The following ATP13A4 variants were observed in gnomAD, a reference collection of about 807,000 sequenced individuals.
The protein encoded by ATP13A4 is probable cation-transporting ATPase 13A4.
A neutral mutation model predicts 142.5 loss-of-function variants in ATP13A4; 114 were observed. That is an observed-to-expected ratio of 0.80 (90% CI 0.69 to 0.93). The LOEUF (loss-of-function observed/expected upper bound fraction) is 0.93, where lower values mean the gene tolerates loss of function less well. Ranked by LOEUF, ATP13A4 falls within the 40% of genes least tolerant of loss-of-function variation. The pLI is 0.00. For synonymous variants in ATP13A4, 488 were observed against 514.8 expected, an observed-to-expected ratio of 0.95 and a Z score of 0.70; for missense variants, 1,392 against 1,454.0, an observed-to-expected ratio of 0.96 and a Z score of 0.69.
intron 2 of ATP13A4, among the ~76,000 whole-genome samples, chr3:193,576,966 T>C (rs1185455115): frequency 1.3e-5 from 2 of 152,188 alleles, no homozygotes; most frequent in East Asian, 1.9e-4. Context: ...TTTGAAAACA[T>C]ATAAATATCT....
At position 193,524,638 on chromosome 3, in the gene ATP13A4, C is replaced by G. The variant is rs898283984; in HGVS notation, c.61-9767G>C. On this transcript the variant is annotated intron_variant, in intron 1 of 29. Coordinates refer to ENST00000342695, the MANE Select transcript of ATP13A4 (RefSeq NM_032279.4). Reference sequence around the variant, plus strand: ...AAAGCCAACATATTTAAAGACAAAGCAGTTGGGTTCAAATCCTGGTTCTGC... The same window carrying G: ...AAAGCCAACATATTTAAAGACAAAGGAGTTGGGTTCAAATCCTGGTTCTGC... 2.0e-5 allele frequency among the ~76,000 whole-genome samples: 3 copies of G among 152,154 alleles called. No individual in the cohort carries two copies. In the East Asian group the frequency reaches 5.8e-4, roughly 29 times the overall value.
At position 193,582,149 on chromosome 3, in the gene ATP13A4, C is replaced by CT. The variant is rs61610633; in HGVS notation, n.92-244dup. 4.8e-3 allele frequency among the ~76,000 whole-genome samples: 591 copies of CT among 124,326 alleles called. 8 individuals are homozygous for CT. Among genetic ancestry groups the CT allele is most frequent in the Admixed American group, 0.03 (348 of 11,538 alleles). 81.6% of individuals were successfully genotyped at this position (124,326 alleles called of 152,430 possible). A position where few individuals can be genotyped will look rare whatever the true frequency, so the allele number is the denominator to read the frequency against. On this transcript the variant is annotated intron_variant and non_coding_transcript_variant, in intron 1 of 3. Coordinates refer to the ATP13A4 transcript ENST00000489140. ...ACTTACATATGTATACTTTTCTTTT[C>CT]TTTTTTTTTTTTTTTTTTGGCGGAG...
Position 193,458,008 on chromosome 3 carries a change from T to A in ATP13A4, c.1675-543A>T, listed in dbSNP as rs1649056452. On this transcript the variant is annotated intron_variant, in intron 14 of 29. Transcript: ENST00000342695. Reference sequence around the variant, plus strand: ...CCAAAGACAACACAGTGCTTTGTAATCATCTCACTGAGTGGCTGACAAGGT... The same window carrying A: ...CCAAAGACAACACAGTGCTTTGTAAACATCTCACTGAGTGGCTGACAAGGT... Among the ~76,000 whole-genome samples the A allele has an allele frequency of 2.6e-5, 4 of 152,202 alleles. No individual in the cohort carries two copies. The South Asian group carries it at 8.3e-4, about 32-fold the overall frequency.
chr3:193,554,874 C>A lies in ATP13A4; in HGVS notation c.-75G>T. 1 of 1,612,954 alleles carries A rather than the reference C, an allele frequency of 6.2e-7. No individual in the cohort carries two copies. ...CAGGATGAACTCCAACTCGCCGAGC[C>A]ACCGCAGCTCCTCAGCTGACTAAAA... On this transcript the variant is annotated 5_prime_UTR_variant, in exon 1 of 30. Transcript: ENST00000342695.
At chr3:193,523,420 G>T (rs1439129378) in intron 1 of ATP13A4, among the ~76,000 whole-genome samples, 1 of 152,042 alleles carries the variant, frequency 6.6e-6, no homozygotes, top group Non-Finnish European at 1.5e-5. Context: ...TTAGATCATT[G>T]GAACTTTCAG....
intron 1 of ATP13A4, among the ~76,000 whole-genome samples, chr3:193,552,013 T>C (rs952333767): frequency 6.6e-6 from 1 of 152,218 alleles, no homozygotes; most frequent in Non-Finnish European, 1.5e-5. Flanking sequence ...CTTGCTCTGT[T>C]GCCAGGCTGG....
intron 2 of ATP13A4, among the ~76,000 whole-genome samples, chr3:193,580,729 GA>G (rs1724521592): frequency 6.6e-6 from 1 of 152,148 alleles, no homozygotes; most frequent in South Asian, 2.1e-4. Context: ...AAAAACCTCA[GA>G]ACCGGTGAGC....
At chr3:193,501,304 T>C (rs566210858) in intron 3 of ATP13A4, among the ~76,000 whole-genome samples, 1 of 152,186 alleles carries the variant, frequency 6.6e-6, no homozygotes, top group South Asian at 2.1e-4. Context: ...GACAGCTGAG[T>C]GGGTGGGGTG....
At chr3:193,526,877 A>T (rs895156588) in intron 1 of ATP13A4, among the ~76,000 whole-genome samples, 110 of 152,270 alleles carry the variant, frequency 7.2e-4, no homozygotes, top group African/African-American at 2.4e-3. Context: ...TTAGACAATG[A>T]CCACACAGGT....
intron 25 of ATP13A4, among the ~76,000 whole-genome samples, chr3:193,422,035 T>G (rs903970565): frequency 4.0e-5 from 6 of 149,702 alleles, no homozygotes; most frequent in Non-Finnish European, 4.4e-5. Flanking sequence ...CTCATCTACA[T>G]AATGCCTATA....
In ATP13A4 at chr3:193,573,308, C is replaced by CTT. The variant is rs1229145689; in HGVS notation, n.291+8398_291+8399insAA. On this transcript the variant is annotated intron_variant and non_coding_transcript_variant, in intron 2 of 3. Coordinates refer to the ATP13A4 transcript ENST00000489140. ...ATATATACACATATATATATATATA[C>CTT]ATATATATATATATATATAATTTGT... Among the ~76,000 whole-genome samples the CTT allele has an allele frequency of 1.4e-3, 148 of 103,646 alleles. 7 individuals carry two copies. The highest frequency in any genetic ancestry group is 6.5e-3 in the African/African-American group (137 of 21,166). 68.0% of individuals were successfully genotyped at this position (103,646 alleles called of 152,430 possible). A position where few individuals can be genotyped will look rare whatever the true frequency, so the allele number is the denominator to read the frequency against.
At chr3:193,583,572 G>A (rs1724613522) in intron 1 of ATP13A4, among the ~76,000 whole-genome samples, 1 of 152,018 alleles carries the variant, frequency 6.6e-6, no homozygotes, top group East Asian at 1.9e-4. Flanking sequence ...CACTAAATCA[G>A]TATTTACTAT....
intron 2 of ATP13A4, among the ~76,000 whole-genome samples, chr3:193,507,870 GA>G (rs952324932): frequency 1.3e-5 from 2 of 151,908 alleles, no homozygotes; most frequent in Non-Finnish European, 2.9e-5. Flanking sequence ...CCGGTTAACA[GA>G]AAAAAAATGG....
intron 2 of ATP13A4, among the ~76,000 whole-genome samples, chr3:193,506,652 T>C (rs1720877324): frequency 6.6e-6 from 1 of 152,152 alleles, no homozygotes; most frequent in African/African-American, 2.4e-5. Context: ...AATCCCCTCA[T>C]GTCATGGGAG....
chr3:193,557,075 T>C (rs760448273), upstream of ATP13A4, among the ~76,000 whole-genome samples: 9 of 152,210 alleles, frequency 5.9e-5, no homozygotes, highest in Non-Finnish European at 1.3e-4. Context: ...GGGATTGAGA[T>C]GAGTGTGTAA....
chr3:193,462,978 C>T (rs1718043882), intron 12 of ATP13A4, among the ~76,000 whole-genome samples, 155 bp from the exon 13 acceptor site: 1 of 151,596 alleles, frequency 6.6e-6, no homozygotes, highest in South Asian at 2.1e-4. Context: ...AACCACCTCC[C>T]TATTTTAAAA....
At position 193,507,855 on chromosome 3, in the gene ATP13A4, C is replaced by G. The variant is rs73888583; in HGVS notation, c.235-5216G>C. Among the ~76,000 whole-genome samples, 695 of 152,246 alleles carry G rather than the reference C, an allele frequency of 4.6e-3. 8 individuals carry two copies. Among genetic ancestry groups the G allele is most frequent in the African/African-American group, 0.016 (659 of 41,544 alleles). ...CTCACAAGGAGATAGGTATTATCATCAGCCCCGGTTAACAGAAAAAAAATG... is the reference window on the plus strand; with the variant it reads ...CTCACAAGGAGATAGGTATTATCATGAGCCCCGGTTAACAGAAAAAAAATG... On this transcript the variant is annotated intron_variant, in intron 2 of 29. Coordinates refer to ENST00000342695, the MANE Select transcript of ATP13A4 (RefSeq NM_032279.4).
At chr3:193,569,132 A>G (rs1412017978) in intron 2 of ATP13A4, among the ~76,000 whole-genome samples, 2 of 152,228 alleles carry the variant, frequency 1.3e-5, no homozygotes, top group African/African-American at 4.8e-5. Flanking sequence ...GTCAACATCC[A>G]CAGTGGCAAG....
rs571173376 is a variant in ATP13A4 at position 193,484,097 on chromosome 3, C to T, written c.739-92G>A. Reference sequence around the variant, plus strand: ...GCTAGGCTTCTTTAAAGATAGAGCACTGTCTTACTGCCAGTTGAATGGAAT... The same window carrying T: ...GCTAGGCTTCTTTAAAGATAGAGCATTGTCTTACTGCCAGTTGAATGGAAT... On this transcript the variant is annotated intron_variant, in intron 7 of 29. Coordinates refer to ENST00000342695, the MANE Select transcript of ATP13A4 (RefSeq NM_032279.4). The T allele has an allele frequency of 2.8e-6, 3 of 1,054,020 alleles. No homozygotes were observed. The East Asian group carries it at 7.2e-5, about 25-fold the overall frequency. 65.3% of individuals were successfully genotyped at this position (1,054,020 alleles called of 1,614,324 possible).
Sources: allele counts gnomAD v4.1 joint callset (sites outside exome capture counted in the v4.1 genomes callset), GRCh38; gene constraint gnomAD v4.1.1; transcripts MANE v1.5; gene names NCBI Gene and HGNC (gene_info 2026-07-23, HGNC 2026-07-21).